The following CYFIP2 variants were observed in gnomAD, a reference collection of about 807,000 sequenced individuals.
The protein encoded by CYFIP2 is cytoplasmic FMR1-interacting protein 2.
A neutral mutation model predicts 158.7 loss-of-function variants in CYFIP2; 29 were observed. That is an observed-to-expected ratio of 0.18 (90% CI 0.14 to 0.25). The LOEUF is 0.25. CYFIP2 is among the 10% of genes least tolerant of loss of function. CYFIP2 has a pLI of 1.00. For synonymous variants in CYFIP2, 585 were observed against 617.6 expected (o/e 0.95, Z 0.78); for missense variants, 852 against 1,639.5 (o/e 0.52, Z 8.29).
chr5:157,364,510 G>A (rs1764182983), intron 26 of CYFIP2: 2 of 152,274 alleles, frequency 1.3e-5, no homozygotes, highest in African/African-American at 2.4e-5. Flanking sequence ...GAGAACCAGA[G>A]AGAGGAGGAA....
At position 157,356,450 on chromosome 5, in the gene CYFIP2, C is replaced by T. The variant is rs140685754; in HGVS notation, c.2674-2555C>T. Reference sequence around the variant, plus strand: ...ATTCCAAATCCTAATTTGGAAGGGACGCATTCAGTGCACATGGCACAGATC... The same window carrying T: ...ATTCCAAATCCTAATTTGGAAGGGATGCATTCAGTGCACATGGCACAGATC... On this transcript the variant is annotated intron_variant, in intron 23 of 30. Coordinates refer to ENST00000620254, the MANE Select transcript of CYFIP2 (RefSeq NM_001037333.3). 8.8e-4 allele frequency among the ~76,000 whole-genome samples: 134 copies of T among 152,252 alleles called. 1 individual carries two copies. The highest frequency in any genetic ancestry group is 2.9e-3 in the African/African-American group (121 of 41,548).
intron 26 of CYFIP2, among the ~76,000 whole-genome samples, chr5:157,367,813 G>GGAGT (rs1764556876): frequency 1.4e-5 from 2 of 145,568 alleles, no homozygotes. Flanking sequence ...GGAGTGCAGT[G>GGAGT]GCATGATCTC....
intron 3 of CYFIP2, among the ~76,000 whole-genome samples, chr5:157,292,868 T>G (rs1757938411): frequency 1.3e-5 from 2 of 152,202 alleles, no homozygotes; most frequent in African/African-American, 4.8e-5. Flanking sequence ...TATGTGTATG[T>G]GTTCCATTTA....
intron 1 of CYFIP2, among the ~76,000 whole-genome samples, chr5:157,277,952 TG>T (rs1482314188): frequency 1.3e-5 from 2 of 152,302 alleles, no homozygotes; most frequent in East Asian, 3.9e-4. Context: ...TACTGAATAC[TG>T]TAGGCAATTG....
chr5:157,330,984 T>A, intron 20 of CYFIP2, 134 bp downstream of exon 20: 1 of 667,094 alleles, frequency 1.5e-6, no homozygotes, highest in South Asian at 1.8e-5. Flanking sequence ...CGAGCCTGGG[T>A]GTAGCACAGC....
At chr5:157,338,878 T>A (rs1249607666) in intron 21 of CYFIP2, among the ~76,000 whole-genome samples, 179 bp from the exon 22 acceptor site, 2 of 152,172 alleles carry the variant, frequency 1.3e-5, no homozygotes, top group African/African-American at 4.8e-5. Flanking sequence ...TGACAATCCT[T>A]CCACTTCTCA....
Position 157,287,115 on chromosome 5 carries a change from C to G in CYFIP2, c.207+7C>G. ...TACAGTCCACTCCAGCATGGTAAGT[C>G]TCTGTGACCCACGTGTGCAGACATG... On this transcript the variant is annotated splice_region_variant and intron_variant, in intron 3 of 30. Transcript: ENST00000620254. 1 of 1,612,148 alleles carries G rather than the reference C, an allele frequency of 6.2e-7. No individual in the cohort carries two copies. The highest frequency in any genetic ancestry group is 8.5e-7 in the Non-Finnish European group (1 of 1,178,516).
chr5:157,332,683 G>T (rs999035216), intron 20 of CYFIP2, among the ~76,000 whole-genome samples: 17 of 152,106 alleles, frequency 1.1e-4, no homozygotes, highest in Admixed American at 4.6e-4. Context: ...TCTTTCTGTC[G>T]CTCAGGCTGG....
chr5:157,310,165 G>A (rs1442001698), intron 10 of CYFIP2, among the ~76,000 whole-genome samples: 2 of 152,188 alleles, frequency 1.3e-5, no homozygotes, highest in Non-Finnish European at 2.9e-5. Context: ...GAGAGGTGGC[G>A]TTGTTCCTCC....
At chr5:157,337,607 T>C (rs1761953228) in intron 21 of CYFIP2, among the ~76,000 whole-genome samples, 1 of 152,200 alleles carries the variant, frequency 6.6e-6, no homozygotes, top group Non-Finnish European at 1.5e-5. Context: ...ATTGGAAGCA[T>C]AGCCTGGGAT....
At chr5:157,284,583 G>A (rs761479103) in intron 1 of CYFIP2, among the ~76,000 whole-genome samples, 1 of 152,182 alleles carries the variant, frequency 6.6e-6, no homozygotes, top group Non-Finnish European at 1.5e-5. Flanking sequence ...TGGGTGCTGA[G>A]TTCTTAAAAT....
intron 1 of CYFIP2, among the ~76,000 whole-genome samples, chr5:157,278,644 T>C (rs996297972): frequency 6.6e-6 from 1 of 152,218 alleles, no homozygotes; most frequent in Middle Eastern, 3.2e-3. Flanking sequence ...ATGTGAAAGA[T>C]CTATAGAACT....
intron 17 of CYFIP2, chr5:157,325,928 G>T: frequency 1.8e-6 from 1 of 546,796 alleles, no homozygotes; most frequent in Non-Finnish European, 3.2e-6. Flanking sequence ...ACTGCTACCT[G>T]ATGTGTTTTA....
At chr5:157,333,494 C>G (rs1181998634) in intron 21 of CYFIP2, 48 bp downstream of exon 21, 2 of 1,613,076 alleles carry the variant, frequency 1.2e-6, no homozygotes, top group South Asian at 1.1e-5. Context: ...ATTTCTCAGA[C>G]TAGAAGCCTA....
At chr5:157,334,281 C>CAGAG (rs1421974037) in intron 21 of CYFIP2, among the ~76,000 whole-genome samples, 1 of 152,166 alleles carries the variant, frequency 6.6e-6, no homozygotes, top group Admixed American at 6.6e-5. Flanking sequence ...TTGATGGATA[C>CAGAG]AGAGTTTCAG....
chr5:157,319,134 G>A (rs1191288190), intron 13 of CYFIP2, among the ~76,000 whole-genome samples: 1 of 152,116 alleles, frequency 6.6e-6, no homozygotes, highest in Non-Finnish European at 1.5e-5. Context: ...GCCAAGGTCA[G>A]GCCAGGCTCC....
intron 20 of CYFIP2, among the ~76,000 whole-genome samples, chr5:157,333,123 A>G (rs991278177): frequency 2.6e-5 from 4 of 152,160 alleles, no homozygotes; most frequent in Non-Finnish European, 4.4e-5. Context: ...AGGAGGGGCC[A>G]GGCTCCTCCC....
intron 2 of CYFIP2, 130 bp downstream of exon 2, chr5:157,285,608 C>G (rs979678083): frequency 1.3e-6 from 1 of 748,696 alleles, no homozygotes; most frequent in Non-Finnish European, 2.1e-6. Context: ...GATGGAGTCC[C>G]TTGTGCGCTG....
intron 15 of CYFIP2, among the ~76,000 whole-genome samples, chr5:157,321,848 C>T (rs978327208): frequency 3.9e-5 from 6 of 152,198 alleles, no homozygotes; most frequent in African/African-American, 1.4e-4. Flanking sequence ...TTGTAGAACG[C>T]CCCAAGGAAG....
Sources: allele counts gnomAD v4.1 joint callset (sites outside exome capture counted in the v4.1 genomes callset), GRCh38; gene constraint gnomAD v4.1.1; transcripts MANE v1.5; gene names NCBI Gene and HGNC (gene_info 2026-07-23, HGNC 2026-07-21).